The following ANO4 variants were observed in gnomAD, a reference collection of about 807,000 sequenced individuals.
ANO4 encodes the protein anoctamin 4.
A neutral mutation model predicts 141.9 loss-of-function variants in ANO4; 69 were observed. The ratio of observed to expected loss-of-function variants is 0.49; its 90% CI spans 0.40 to 0.59. The LOEUF (loss-of-function observed/expected upper bound fraction) is 0.59. Among genes scored for constraint, ANO4 ranks in the 20% least tolerant of loss-of-function variants. The pLI is 0.00. For synonymous variants in ANO4, 350 were observed against 394.3 expected, an observed-to-expected ratio of 0.89 and a Z score of 1.33; for missense variants, 894 against 1,162.2, an observed-to-expected ratio of 0.77 and a Z score of 3.36.
At chr12:100,807,862 A>G (rs938934952) in intron 1 of ANO4, among the ~76,000 whole-genome samples, 1 of 152,152 alleles carries the variant, frequency 6.6e-6, no homozygotes, top group Non-Finnish European at 1.5e-5. Context: ...AGCTCCATCC[A>G]TGTCCATCCA....
At chr12:101,113,481 C>T (rs1307442362) in intron 24 of ANO4, among the ~76,000 whole-genome samples, 1 of 152,028 alleles carries the variant, frequency 6.6e-6, no homozygotes, top group East Asian at 1.9e-4. Flanking sequence ...TTTAACCTTT[C>T]TCTTTGACTT....
At chr12:101,034,437 A>T (rs1429025355) in intron 9 of ANO4, among the ~76,000 whole-genome samples, 3 of 152,178 alleles carry the variant, frequency 2.0e-5, no homozygotes, top group African/African-American at 7.2e-5. Context: ...GAATTGAACA[A>T]TGAGAACCTA....
intron 1 of ANO4, among the ~76,000 whole-genome samples, chr12:100,891,369 G>A (rs1347416406): frequency 2.0e-5 from 3 of 152,208 alleles, no homozygotes; most frequent in Non-Finnish European, 4.4e-5. Flanking sequence ...TATGGTGAGA[G>A]TAAGTTGAGT....
intron 1 of ANO4, among the ~76,000 whole-genome samples, chr12:100,818,677 A>T (rs1346214981): frequency 6.6e-6 from 1 of 151,960 alleles, no homozygotes; most frequent in Non-Finnish European, 1.5e-5. Context: ...TGTGACATTG[A>T]ATAAATTGCT....
chr12:101,040,060 C>T lies in ANO4; in HGVS notation c.1003C>T (p.Pro335Ser), dbSNP rs760003967. 22 of 1,608,598 alleles carry T rather than the reference C, an allele frequency of 1.4e-5. No individual in the cohort carries two copies. The highest frequency in any genetic ancestry group is 2.7e-5 in the African/African-American group (2 of 74,772). The change falls in exon 11 of 28, where the codon CCT (proline) becomes TCT (serine). Residue 335 changes from proline to serine, a missense_variant. This residue lies in a region of ANO4 where 637 missense variants were observed against 909.2 expected (regional missense o/e 0.70). Coordinates refer to ENST00000392977, the MANE Select transcript of ANO4 (RefSeq NM_001286615.2). ...ASWGVWYKYQPLDLVRRYFGE... is the reference protein window; with the variant it reads ...ASWGVWYKYQSLDLVRRYFGE... ...CTGGGGCGTGTGGTATAAATACCAA[C>T]CTTTGGATCTTGTAAGGTGAGTTTT...
At chr12:101,005,138 T>G (rs2045820145) in intron 8 of ANO4, among the ~76,000 whole-genome samples, 1 of 152,196 alleles carries the variant, frequency 6.6e-6, no homozygotes, top group Admixed American at 6.5e-5. Context: ...ATAATAAACT[T>G]ATGCAGGGAC....
chr12:101,123,129 A>G (rs1424055578), intron 26 of ANO4, among the ~76,000 whole-genome samples: 1 of 152,208 alleles, frequency 6.6e-6, no homozygotes, highest in Non-Finnish European at 1.5e-5. Context: ...AAAGTTTCCT[A>G]GACCTCTTCA....
At chr12:100,929,733 G>A (rs748167923) in intron 3 of ANO4, among the ~76,000 whole-genome samples, 3 of 152,146 alleles carry the variant, frequency 2.0e-5, no homozygotes, top group African/African-American at 4.8e-5. Flanking sequence ...CCCACCAGCA[G>A]TGTATGAGGG....
At chr12:100,952,668 G>A (rs1164213263) in intron 5 of ANO4, among the ~76,000 whole-genome samples, 1 of 152,152 alleles carries the variant, frequency 6.6e-6, no homozygotes, top group African/African-American at 2.4e-5. Flanking sequence ...ATTCTTACTG[G>A]TTCATCTTGT....
intron 1 of ANO4, among the ~76,000 whole-genome samples, chr12:100,728,915 G>A (rs1415729826): frequency 7.9e-5 from 12 of 151,898 alleles, no homozygotes; most frequent in South Asian, 2.1e-4. Flanking sequence ...CCACCACCTC[G>A]GTTAAGAAAC....
intron 1 of ANO4, among the ~76,000 whole-genome samples, chr12:100,891,860 T>C: frequency 6.6e-6 from 1 of 152,186 alleles, no homozygotes; most frequent in East Asian, 1.9e-4. Context: ...CCAGAACTTA[T>C]TTCTCCTGTC....
At chr12:100,867,926 A>G (rs2038839330) in intron 1 of ANO4, among the ~76,000 whole-genome samples, 1 of 152,132 alleles carries the variant, frequency 6.6e-6, no homozygotes, top group Admixed American at 6.6e-5. Context: ...GTGTTTTGCC[A>G]GTTGATAAAT....
intron 5 of ANO4, among the ~76,000 whole-genome samples, chr12:100,948,603 T>TA (rs1388633065): frequency 6.6e-6 from 1 of 152,168 alleles, no homozygotes; most frequent in Non-Finnish European, 1.5e-5. Context: ...AATGATTATT[T>TA]AAAAAAGGGA....
chr12:100,908,380 A>G (rs1167114524), intron 2 of ANO4, among the ~76,000 whole-genome samples: 1 of 151,980 alleles, frequency 6.6e-6, no homozygotes, highest in African/African-American at 2.4e-5. Flanking sequence ...ACAAAAAAAC[A>G]TCACTTTACT....
chr12:100,832,991 C>A (rs985387562), intron 1 of ANO4, among the ~76,000 whole-genome samples: 2 of 152,128 alleles, frequency 1.3e-5, no homozygotes, highest in African/African-American at 4.8e-5. Flanking sequence ...TTCTAGCAGA[C>A]AGATTGCCTG....
intron 12 of ANO4, 44 bp from the exon 13 acceptor site, chr12:101,043,495 G>A (rs376512949): frequency 4.1e-6 from 6 of 1,458,672 alleles, no homozygotes; most frequent in Non-Finnish European, 5.8e-6. Context: ...AGAAAAAAAT[G>A]TTCCATGTCA....
chr12:100,982,677 C>A (rs1203206624), intron 7 of ANO4, among the ~76,000 whole-genome samples: 1 of 152,196 alleles, frequency 6.6e-6, no homozygotes, highest in Non-Finnish European at 1.5e-5. Context: ...TCTATGGATT[C>A]TGTTGGCTCA....
chr12:100,728,414 A>G (rs1176172336), intron 1 of ANO4, among the ~76,000 whole-genome samples: 1 of 152,206 alleles, frequency 6.6e-6, no homozygotes, highest in African/African-American at 2.4e-5. Flanking sequence ...AAGATGTAAC[A>G]CCAGATACAG....
At chr12:101,049,894 G>A (rs1401251224) in intron 14 of ANO4, among the ~76,000 whole-genome samples, 2 of 152,166 alleles carry the variant, frequency 1.3e-5, no homozygotes, top group East Asian at 3.9e-4. Context: ...CCTGGGAAAA[G>A]GCCTGAGGTT....
Sources: gnomAD v4.1 joint callset for allele counts (sites outside exome capture counted in the v4.1 genomes callset) on GRCh38, gnomAD v4.1.1 for gene constraint, gnomAD v4.1.1 regional missense constraint, MANE v1.5 for transcripts, NCBI Gene and HGNC (gene_info 2026-07-23, HGNC 2026-07-21) for gene names.